ONECUT3: variants seen among roughly 807,000 people sequenced by gnomAD.
ONECUT3 encodes the protein one cut domain family member 3.
A neutral mutation model predicts 16.8 loss-of-function variants in ONECUT3; 11 were observed. That is an observed-to-expected ratio of 0.66 (90% CI 0.41 to 1.09). The LOEUF (loss-of-function observed/expected upper bound fraction) is 1.09. Ranked by LOEUF, ONECUT3 falls within the 50% of genes least tolerant of loss-of-function variation. The probability of loss-of-function intolerance (pLI) is 0.00; values close to 1 mark genes in which losing one functional copy is unlikely to be tolerated. For missense variants in ONECUT3, 637 were observed against 629.9 expected (o/e 1.01, Z -0.12); for synonymous variants, 344 against 310.7 (o/e 1.11, Z -1.13).
rs144502226 is a variant in ONECUT3 at position 1,762,415 on chromosome 19, G to T, written c.1192+7561G>T. On this transcript the variant is annotated intron_variant, in intron 1 of 1. Transcript: ENST00000382349. The surrounding 1 kb of genome is among the most constrained non-coding windows in gnomAD (Gnocchi z 4.4). Reference sequence around the variant, plus strand: ...TAGTTGCGGGGCAGCAGGGGTCCACGCATTTCCAAGCGCCCTTTCCCGTCC... The same window carrying T: ...TAGTTGCGGGGCAGCAGGGGTCCACTCATTTCCAAGCGCCCTTTCCCGTCC... 6.6e-6 allele frequency among the ~76,000 whole-genome samples: 1 copy of T among 152,362 alleles called. No homozygotes were observed. Among genetic ancestry groups the T allele is most frequent in the African/African-American group, 2.4e-5 (1 of 41,586 alleles).
Position 1,780,510 on chromosome 19 carries a change from T to C in ONECUT3, c.*5065T>C, listed in dbSNP as rs7250253. The C allele has an allele frequency of 0.44, 66,543 of 151,086 alleles. 15,751 individuals are homozygous for C. The highest frequency in any genetic ancestry group is 0.64 in the African/African-American group (26,238 of 41,194). The allele number at this position is 151,086 out of a possible 1,614,324, so 9.4% of individuals were successfully genotyped here. A position where few individuals can be genotyped will look rare whatever the true frequency, so the allele number is the denominator to read the frequency against. On this transcript the variant is annotated 3_prime_UTR_variant, in exon 2 of 2. Coordinates refer to ENST00000382349, the MANE Select transcript of ONECUT3 (RefSeq NM_001080488.2). ...GGGGAGAGATGAGAGGGGCCGCTTT[T>C]GGGACAGGCCCCAGTAGGGGGGGGC...
At chr19:1,763,655 T>G (rs1376252441) in intron 1 of ONECUT3, among the ~76,000 whole-genome samples, 1 of 152,020 alleles carries the variant, frequency 6.6e-6, no homozygotes, top group Non-Finnish European at 1.5e-5. Context: ...CCCTCCCTTC[T>G]GCAAATCACA....
At chr19:1,763,214 A>C (rs1313116553) in intron 1 of ONECUT3, among the ~76,000 whole-genome samples, 1 of 151,614 alleles carries the variant, frequency 6.6e-6, no homozygotes, top group African/African-American at 2.4e-5. Flanking sequence ...AAATACAAAA[A>C]TTAGCCGGGC....
chr19:1,754,703 G>T lies in ONECUT3; in HGVS notation c.1041G>T (p.Arg347=). Residue 347 remains arginine (R), a synonymous_variant, in exon 1 of 2, where the codon CGG becomes CGT. Coordinates refer to ENST00000382349, the MANE Select transcript of ONECUT3 (RefSeq NM_001080488.2). This position sits in a 1 kb window ranked among gnomAD's most constrained non-coding sequence, Gnocchi z 7.4. ...TCCCGCAGGCAATCTTCGCGCAGCG[G>T]ATCCTGTGTCGCTCTCAGGGCACGC... ...YSIPQAIFAQ[R]ILCRSQGTLS... is the part of the protein sequence containing the mutation. The T allele has an allele frequency of 6.5e-7, 1 of 1,540,396 alleles. No homozygotes were observed. Among genetic ancestry groups the T allele is most frequent in the African/African-American group, 1.4e-5 (1 of 71,192 alleles).
rs148506212 is a variant in ONECUT3 at position 1,754,097 on chromosome 19, G to T, written c.435G>T (p.Pro145=). 5 of 1,008,166 alleles carry T rather than the reference G, an allele frequency of 5.0e-6. No homozygotes were observed. In the South Asian group the frequency reaches 1.7e-4, roughly 35 times the overall value. 62.5% of individuals were successfully genotyped at this position (1,008,166 alleles called of 1,614,324 possible). Residue 145 remains proline (P), a synonymous_variant, in exon 1 of 2, where the codon CCG becomes CCT. Coordinates refer to ENST00000382349, the MANE Select transcript of ONECUT3 (RefSeq NM_001080488.2). The surrounding 1 kb of genome is among the most constrained non-coding windows in gnomAD (Gnocchi z 7.4). ...GAHGGHPHAH[P]HPAAAPPPPP... is the part of the protein sequence containing the mutation. The stretch of plus-strand genomic sequence containing the variant: ...ACGGCGGCCATCCCCACGCGCACCC[G>T]CACCCGGCGGCCGCGCCGCCCCCGC...
chr19:1,760,668 C>G (rs368105935), intron 1 of ONECUT3, among the ~76,000 whole-genome samples: 4 of 151,762 alleles, frequency 2.6e-5, no homozygotes, highest in African/African-American at 7.3e-5. Context: ...TGGGGGGGGG[C>G]CAGGTCCCAG....
Position 1,764,798 on chromosome 19 carries a change from CG to C in ONECUT3, c.1192+9953del, listed in dbSNP as rs370113974. On this transcript the variant is annotated intron_variant, in intron 1 of 1. Coordinates refer to ENST00000382349, the MANE Select transcript of ONECUT3 (RefSeq NM_001080488.2). The surrounding 1 kb of genome is among the most constrained non-coding windows in gnomAD (Gnocchi z 5.0). Reference sequence around the variant, plus strand: ...CACTGACTCGAGTCTGGAGAGGCCACGGGGGGGGGATGCGCAGGGGGGACAA... The same window carrying C: ...CACTGACTCGAGTCTGGAGAGGCCACGGGGGGGGATGCGCAGGGGGGACAA... 0.026 allele frequency among the ~76,000 whole-genome samples: 2,485 copies of C among 96,310 alleles called. 79 individuals carry two copies. The highest frequency in any genetic ancestry group is 0.081 in the African/African-American group (2,206 of 27,320). The allele number at this position is 96,310 out of a possible 152,430, so 63.2% of individuals were successfully genotyped here.
chr19:1,762,975 T>C lies in ONECUT3; in HGVS notation c.1192+8121T>C, dbSNP rs2067954463. ...AGGCTCAAACCTGTAGTCCCAGCAC[T>C]TTGGGAGGCCAAGGCAAGAGGATCT... is the stretch of plus-strand genomic sequence containing the variant. On this transcript the variant is annotated intron_variant, in intron 1 of 1. Transcript: ENST00000382349. The surrounding 1 kb of genome is among the most constrained non-coding windows in gnomAD (Gnocchi z 4.4). Among the ~76,000 whole-genome samples the C allele has an allele frequency of 6.6e-6, 1 of 152,132 alleles. No homozygotes were observed. The highest frequency in any genetic ancestry group is 2.1e-4 in the South Asian group (1 of 4,826).
intron 1 of ONECUT3, among the ~76,000 whole-genome samples, chr19:1,769,875 C>A (rs1313530914): frequency 6.6e-6 from 1 of 152,094 alleles, no homozygotes. Flanking sequence ...CTGCCTGGCC[C>A]GGCCCCTCCC....
chr19:1,771,571 C>T (rs1447408262), intron 1 of ONECUT3, among the ~76,000 whole-genome samples: 2 of 152,176 alleles, frequency 1.3e-5, no homozygotes, highest in African/African-American at 4.8e-5. Flanking sequence ...TGACATCTGG[C>T]TTTCCTCTAG....
chr19:1,765,299 G>A (rs1169780683), intron 1 of ONECUT3, among the ~76,000 whole-genome samples: 4 of 152,106 alleles, frequency 2.6e-5, no homozygotes, highest in East Asian at 1.9e-4. Context: ...CAGCACTGCT[G>A]GCGTCCACTG....
rs1334144762 is a variant in ONECUT3 at position 1,778,910 on chromosome 19, A to C, written c.*3465A>C. The stretch of plus-strand genomic sequence containing the variant: ...CACACACACACACACACACACACAC[A>C]CACCCCTACCTGTTTCCGGACCCCA... On this transcript the variant is annotated 3_prime_UTR_variant, in exon 2 of 2. Coordinates refer to ENST00000382349, the MANE Select transcript of ONECUT3 (RefSeq NM_001080488.2). 1.6e-5 allele frequency: 2 copies of C among 127,282 alleles called. No homozygotes were observed. Among genetic ancestry groups the C allele is most frequent in the East Asian group, 2.2e-4 (1 of 4,454 alleles). The allele number at this position is 127,282 out of a possible 1,614,324, so 7.9% of individuals were successfully genotyped here.
chr19:1,765,039 A>G (rs917985492), intron 1 of ONECUT3, among the ~76,000 whole-genome samples: 5 of 151,912 alleles, frequency 3.3e-5, no homozygotes, highest in African/African-American at 1.2e-4. Context: ...AGCGGGGTAG[A>G]CTCACGTGGC....
chr19:1,763,312 C>T lies in ONECUT3; in HGVS notation c.1192+8458C>T, dbSNP rs1373246076. The stretch of plus-strand genomic sequence containing the variant: ...CCAGGAGGCAGAGGTTGCAGTGAGC[C>T]GAGATTGCACCATTGCACTCCGGCA... On this transcript the variant is annotated intron_variant, in intron 1 of 1. Transcript: ENST00000382349. Among the ~76,000 whole-genome samples the T allele has an allele frequency of 1.5e-5, 2 of 137,448 alleles. 1 individual carries two copies. The highest frequency in any genetic ancestry group is 4.7e-4 in the South Asian group (2 of 4,240). The allele number at this position is 137,448 out of a possible 152,430, so 90.2% of individuals were successfully genotyped here. A position where few individuals can be genotyped will look rare whatever the true frequency, so the allele number is the denominator to read the frequency against.
At position 1,775,493 on chromosome 19, in the gene ONECUT3, G is replaced by GC. The variant is rs1169504293; in HGVS notation, c.*53dup. The GC allele has an allele frequency of 2.8e-6, 4 of 1,414,534 alleles. No homozygotes were observed. The African/African-American group carries it at 6.1e-5, about 22-fold the overall frequency. 87.6% of individuals were successfully genotyped at this position (1,414,534 alleles called of 1,614,324 possible). On this transcript the variant is annotated 3_prime_UTR_variant, in exon 2 of 2. Coordinates refer to ENST00000382349, the MANE Select transcript of ONECUT3 (RefSeq NM_001080488.2). ...CCTGCCTCCACGGCCTGGGCGCTGT[G>GC]CCCCCACGTCACCTCCCCACATCCT... is the stretch of plus-strand genomic sequence containing the variant.
chr19:1,758,446 A>G lies in ONECUT3; in HGVS notation c.1192+3592A>G, dbSNP rs1050470305. On this transcript the variant is annotated intron_variant, in intron 1 of 1. Transcript: ENST00000382349. This position sits in a 1 kb window ranked among gnomAD's most constrained non-coding sequence, Gnocchi z 5.9. ...GGGGTAGGACTTGGGAGAGGGGAAT[A>G]GGTGTTTTCCTTGTTTCACCAAAGC... Among the ~76,000 whole-genome samples the G allele has an allele frequency of 3.3e-5, 5 of 151,920 alleles. No homozygotes were observed. Among genetic ancestry groups the G allele is most frequent in the Non-Finnish European group, 7.4e-5 (5 of 67,966 alleles).
At chr19:1,768,519 C>T (rs2068015182) in intron 1 of ONECUT3, among the ~76,000 whole-genome samples, 1 of 152,162 alleles carries the variant, frequency 6.6e-6, no homozygotes, top group African/African-American at 2.4e-5. Context: ...GGGAATGGGA[C>T]TCGCCTGGGG....
At position 1,780,437 on chromosome 19, in the gene ONECUT3, G is replaced by C. The variant is rs899806514; in HGVS notation, c.*4992G>C. Reference sequence around the variant, plus strand: ...CAGATAGTCCCTGGAGGTGGAAAGGGGCACAGATGTGCCAGCTTGGGAACA... The same window carrying C: ...CAGATAGTCCCTGGAGGTGGAAAGGCGCACAGATGTGCCAGCTTGGGAACA... On this transcript the variant is annotated 3_prime_UTR_variant, in exon 2 of 2. Transcript: ENST00000382349. The C allele has an allele frequency of 6.6e-6, 1 of 152,356 alleles. No individual in the cohort carries two copies. Among genetic ancestry groups the C allele is most frequent in the East Asian group, 1.9e-4 (1 of 5,188 alleles). 9.4% of individuals were successfully genotyped at this position (152,356 alleles called of 1,614,324 possible).
Position 1,758,082 on chromosome 19 carries a change from C to G in ONECUT3, c.1192+3228C>G, listed in dbSNP as rs1428555557. ...CCGAGTGTCCTGCCGGGCGCCGGGG[C>G]CAGGACAGAGACGGGGACAGGGAGG... On this transcript the variant is annotated intron_variant, in intron 1 of 1. Coordinates refer to ENST00000382349, the MANE Select transcript of ONECUT3 (RefSeq NM_001080488.2). This position sits in a 1 kb window ranked among gnomAD's most constrained non-coding sequence, Gnocchi z 5.9. Among the ~76,000 whole-genome samples, 4 of 151,970 alleles carry G rather than the reference C, an allele frequency of 2.6e-5. No homozygotes were observed. Among genetic ancestry groups the G allele is most frequent in the Non-Finnish European group, 5.9e-5 (4 of 67,970 alleles).
Sources: allele counts gnomAD v4.1 joint callset (sites outside exome capture counted in the v4.1 genomes callset), GRCh38; gene constraint gnomAD v4.1.1; non-coding constraint Gnocchi (gnomAD v3.1); transcripts MANE v1.5; gene names NCBI Gene and HGNC (gene_info 2026-07-23, HGNC 2026-07-21).